Variants in HLA-G observed in about 807,000 individuals in gnomAD.
The protein encoded by HLA-G is major histocompatibility complex, class I, G.
In HLA-G, 34 loss-of-function variants were observed where a neutral mutation model predicts 39.3. The observed-to-expected ratio is 0.86, with a 90% CI of 0.66 to 1.15. The LOEUF (loss-of-function observed/expected upper bound fraction) is 1.15. HLA-G is among the 50% of genes most tolerant of loss of function. HLA-G has a pLI of 0.00. For synonymous variants in HLA-G, 183 were observed against 185.8 expected, an observed-to-expected ratio of 0.99 and a Z score of 0.12; for missense variants, 419 against 456.4, an observed-to-expected ratio of 0.92 and a Z score of 0.75.
chr6:29,830,150 T>G (rs1275425735), intron 5 of HLA-G, among the ~76,000 whole-genome samples: 1 of 152,152 alleles, frequency 6.6e-6, no homozygotes, highest in Non-Finnish European at 1.5e-5. Context: ...GATGGGGACC[T>G]GATCCCAGTA....
In HLA-G at chr6:29,829,649, A is replaced by G; in HGVS notation, c.851A>G (p.His284Arg). The G allele has an allele frequency of 6.2e-7, 1 of 1,614,028 alleles. No individual in the cohort carries two copies. Among genetic ancestry groups the G allele is most frequent in the Non-Finnish European group, 8.5e-7 (1 of 1,179,968 alleles). ...PSGEEQRYTC[H>R]VQHEGLPEPL... Reference sequence around the variant, plus strand: ...GGAGAGGAGCAGAGATACACGTGCCATGTGCAGCATGAGGGGCTGCCGGAG... The same window carrying G: ...GGAGAGGAGCAGAGATACACGTGCCGTGTGCAGCATGAGGGGCTGCCGGAG... Residue 284 changes from histidine (H) to arginine (R), a missense_variant, in exon 4 of 7, where the codon CAT becomes CGT. Coordinates refer to ENST00000360323, the MANE Select transcript of HLA-G (RefSeq NM_001384290.1).
chr6:29,826,826 C>G (rs1760720757), upstream of HLA-G: 1 of 325,540 alleles, frequency 3.1e-6, no homozygotes, highest in Non-Finnish European at 6.2e-6. Flanking sequence ...ACTAAGTATT[C>G]CTAAAAAATA....
intron 3 of HLA-G, among the ~76,000 whole-genome samples, 200 bp downstream of exon 3, chr6:29,829,018 G>C (rs1761003501): frequency 6.6e-6 from 1 of 152,144 alleles, no homozygotes; most frequent in African/African-American, 2.4e-5. Flanking sequence ...GACAATTAAG[G>C]GATGAAGTCT....
chr6:29,828,921 T>G, intron 3 of HLA-G, 103 bp downstream of exon 3: 1 of 1,452,246 alleles, frequency 6.9e-7, no homozygotes, highest in Non-Finnish European at 9.6e-7. Context: ...AATATCGCCC[T>G]CCCTCTGGTC....
Position 29,828,590 on chromosome 6 carries a change from G to A in HLA-G, c.391G>A (p.Gly131Arg). The change falls in exon 3 of 7, where the codon GGA (glycine) becomes AGA (arginine). Residue 131 changes from glycine to arginine, a missense_variant. Gly to Arg is a moderately radical substitution (Grantham distance 125). Transcript: ENST00000360323. ...GATTGGCTGCGACCTGGGGTCCGAC[G>A]GACGCCTCCTCCGCGGGTATGAACA... is the stretch of plus-strand genomic sequence containing the variant. ...WMIGCDLGSD[G>R]RLLRGYEQYA... 2 of 1,613,078 alleles carry A rather than the reference G, an allele frequency of 1.2e-6. No individual in the cohort carries two copies. Among genetic ancestry groups the A allele is most frequent in the Non-Finnish European group, 1.7e-6 (2 of 1,180,006 alleles).
Position 29,828,529 on chromosome 6 carries a change from G to A in HLA-G, c.344-14G>A, listed in dbSNP as rs1624337. 0.48 allele frequency: 776,866 copies of A among 1,608,644 alleles called. 192,152 individuals are homozygous for A. The highest frequency in any genetic ancestry group is 0.67 in the South Asian group (61,053 of 90,946). ...AGGCTCGGTGGGCGGGGCTGACCGA[G>A]GGGGTGGGGCCAGGTTCTCACACCC... is the stretch of plus-strand genomic sequence containing the variant. On this transcript the variant is annotated splice_polypyrimidine_tract_variant and intron_variant, in intron 2 of 6. Transcript: ENST00000360323.
intron 3 of HLA-G, 115 bp downstream of exon 3, chr6:29,828,933 T>A: frequency 1.0e-5 from 14 of 1,348,220 alleles, no homozygotes; most frequent in African/African-American, 1.4e-5. Context: ...CCTCTGGTCC[T>A]GAGGGAGAGG....
intron 5 of HLA-G, 116 bp downstream of exon 5, chr6:29,830,048 C>A (rs1394907854): frequency 1.5e-5 from 12 of 778,402 alleles, no homozygotes; most frequent in Non-Finnish European, 2.6e-5. Context: ...ACTCATGGGC[C>A]TACCCAGCCT....
Position 29,828,526 on chromosome 6 carries a change from C to T in HLA-G, c.344-17C>T. 4 of 1,608,924 alleles carry T rather than the reference C, an allele frequency of 2.5e-6. No homozygotes were observed. Among genetic ancestry groups the T allele is most frequent in the Non-Finnish European group, 2.5e-6 (3 of 1,177,380 alleles). ...GCGAGGCTCGGTGGGCGGGGCTGAC[C>T]GAGGGGGTGGGGCCAGGTTCTCACA... On this transcript the variant is annotated splice_polypyrimidine_tract_variant and intron_variant, in intron 2 of 6. Transcript: ENST00000360323.
chr6:29,829,963 T>A, intron 5 of HLA-G, 31 bp downstream of exon 5: 1 of 1,501,644 alleles, frequency 6.7e-7, no homozygotes. Context: ...GGGGTCTGAG[T>A]TTTCTTGTCC....
Position 29,829,711 on chromosome 6 carries a change from G to A in HLA-G, c.895+18G>A. 6.2e-7 allele frequency: 1 copy of A among 1,611,352 alleles called. No homozygotes were observed. The highest frequency in any genetic ancestry group is 8.5e-7 in the Non-Finnish European group (1 of 1,178,992). On this transcript the variant is annotated intron_variant, in intron 4 of 6. Coordinates refer to ENST00000360323, the MANE Select transcript of HLA-G (RefSeq NM_001384290.1). ...GAGATGGAGTAAGGAGGGAGATGGA[G>A]GCATCATGTCTGTTAGGGAAAGCAG...
chr6:29,827,057 TA>T, upstream of HLA-G: 1 of 519,734 alleles, frequency 1.9e-6, no homozygotes, highest in Admixed American at 2.0e-5. Context: ...AAATTTAAAA[TA>T]AAACAAGCGG....
At chr6:29,829,355 G>C in intron 3 of HLA-G, 63 bp from the exon 4 acceptor site, 2 of 1,548,984 alleles carry the variant, frequency 1.3e-6, no homozygotes, top group Non-Finnish European at 8.8e-7. Context: ...GTCACATCCA[G>C]GTGCTGCTGG....
chr6:29,830,599 A>G, intron 6 of HLA-G, 169 bp from the exon 7 acceptor site: 1 of 752,802 alleles, frequency 1.3e-6, no homozygotes, highest in Non-Finnish European at 2.5e-6. Flanking sequence ...CGGCTTGTAA[A>G]TGTGACACCC....
rs1172476560 is a variant in HLA-G at position 29,828,667 on chromosome 6, C to T, written c.468C>T (p.Ser156=). Reference sequence around the variant, plus strand: ...TCGCCCTGAACGAGGACCTGCGCTCCTGGACCGCAGCGGACACTGCGGCTC... The same window carrying T: ...TCGCCCTGAACGAGGACCTGCGCTCTTGGACCGCAGCGGACACTGCGGCTC... ...DYLALNEDLR[S]WTAADTAAQI... is the part of the protein sequence containing the mutation. The change falls in exon 3 of 7, where the codon TCC becomes TCT. Residue 156 remains serine (S), a synonymous_variant. Transcript: ENST00000360323. 2.5e-6 allele frequency: 4 copies of T among 1,613,416 alleles called. No homozygotes were observed. The highest frequency in any genetic ancestry group is 2.5e-6 in the Non-Finnish European group (3 of 1,180,032).
At position 29,828,318 on chromosome 6, in the gene HLA-G, T is replaced by C; in HGVS notation, c.343+2T>C. 6.2e-7 allele frequency: 1 copy of C among 1,609,456 alleles called. No homozygotes were observed. Among genetic ancestry groups the C allele is most frequent in the South Asian group, 1.1e-5 (1 of 90,704 alleles). On this transcript the variant is annotated splice_donor_variant, in intron 2 of 6. Transcript: ENST00000360323. LOFTEE classifies it high-confidence loss of function. ...GCTACTACAACCAGAGCGAGGCCAG[T>C]GAGTAACTCCGGCCCAGGGAGCAGA...
intron 1 of HLA-G, 35 bp downstream of exon 1, chr6:29,827,952 G>T: frequency 3.1e-6 from 5 of 1,594,770 alleles, no homozygotes; most frequent in Non-Finnish European, 4.3e-6. Flanking sequence ...CAGCCCCTGC[G>T]CGGAGGAGGG....
rs1161818149 is a variant in HLA-G, at chr6:29,828,287, T to C, written c.314T>C (p.Leu105Pro). The change falls in exon 2 of 7, where the codon CTG becomes CCG. Residue 105 changes from leucine to proline, a missense_variant. Leu to Pro is a moderately conservative substitution (Grantham distance 98, BLOSUM62 -3). This residue lies in a region of HLA-G where 328 missense variants were observed against 323.0 expected (regional missense o/e 1.02). Transcript: ENST00000360323. ...AQTDRMNLQT[L>P]RGYYNQSEAS... ...ACTGACAGAATGAACCTGCAGACCC[T>C]GCGCGGCTACTACAACCAGAGCGAG... 2 of 1,613,308 alleles carry C rather than the reference T, an allele frequency of 1.2e-6. No individual in the cohort carries two copies.
upstream of HLA-G, chr6:29,827,284 A>G (rs1760751286): frequency 5.6e-6 from 2 of 354,368 alleles, no homozygotes; most frequent in Non-Finnish European, 1.1e-5. Flanking sequence ...CTCAGGCACA[A>G]CTTTTCCAGA....
Sources: allele counts gnomAD v4.1 joint callset (sites outside exome capture counted in the v4.1 genomes callset), GRCh38; gene constraint gnomAD v4.1.1; regional missense constraint gnomAD v4.1.1; transcripts MANE v1.5; gene names NCBI Gene and HGNC (gene_info 2026-07-23, HGNC 2026-07-21).